USP33: variants seen among roughly 807,000 people sequenced by gnomAD.
The protein encoded by USP33 is ubiquitin specific peptidase 33.
In USP33, 46 loss-of-function variants were observed where a neutral mutation model predicts 124.2. The ratio of observed to expected loss-of-function variants is 0.37; its 90% CI spans 0.29 to 0.47. The LOEUF (loss-of-function observed/expected upper bound fraction) is 0.47. USP33 is among the 20% of genes least tolerant of loss of function. The pLI is 0.99. For synonymous variants in USP33, 350 were observed against 352.3 expected, an observed-to-expected ratio of 0.99 and a Z score of 0.07; for missense variants, 851 against 1,070.6, an observed-to-expected ratio of 0.79 and a Z score of 2.86.
chr1:77,715,023 T>C, intron 18 of USP33: 1 of 364,996 alleles, frequency 2.7e-6, no homozygotes, highest in Non-Finnish European at 4.8e-6. Flanking sequence ...ATTCAAATGT[T>C]TGTTAATAAG....
In USP33 at chr1:77,742,116, TA is replaced by T. The variant is rs201603240; in HGVS notation, c.-51-369del. ...CAACTGTGAAGCACTTTTATCCTTT[TA>T]AAAAAAAAATTAATCCTTAGGCTGG... On this transcript the variant is annotated intron_variant, in intron 1 of 23. Coordinates refer to ENST00000370794, the MANE Select transcript of USP33 (RefSeq NM_201624.3). Among the ~76,000 whole-genome samples the T allele has an allele frequency of 6.0e-3, 896 of 148,474 alleles. 16 individuals are homozygous for T. The highest frequency in any genetic ancestry group is 0.029 in the East Asian group (149 of 5,090).
chr1:77,756,133 G>T (rs1425574007), intron 1 of USP33, among the ~76,000 whole-genome samples: 1 of 151,916 alleles, frequency 6.6e-6, no homozygotes, highest in Admixed American at 6.6e-5. Context: ...TTTGAAATGG[G>T]AGGCTCTCTA....
chr1:77,752,888 G>A (rs1680465384), intron 1 of USP33, among the ~76,000 whole-genome samples: 1 of 151,936 alleles, frequency 6.6e-6, no homozygotes, highest in Non-Finnish European at 1.5e-5. Context: ...TACCAGCCTA[G>A]CCAACATGGT....
chr1:77,742,384 G>C (rs1428609643), intron 1 of USP33, among the ~76,000 whole-genome samples: 1 of 152,186 alleles, frequency 6.6e-6, no homozygotes, highest in East Asian at 1.9e-4. Flanking sequence ...ATCCACAAGA[G>C]ACAGACAGAC....
rs1006806581 is a variant in USP33 at position 77,721,321 on chromosome 1, C to T, written c.1658-116G>A. 2.3e-5 allele frequency: 26 copies of T among 1,130,188 alleles called. No homozygotes were observed. In the Middle Eastern group the frequency reaches 1.0e-3, roughly 44 times the overall value. 70.0% of individuals were successfully genotyped at this position (1,130,188 alleles called of 1,614,324 possible). The stretch of plus-strand genomic sequence containing the variant: ...CCTCCCAGCACAGAAAAACAAGGTT[C>T]CATTTTTTTAATCTATGCTCATGAA... On this transcript the variant is annotated intron_variant, in intron 14 of 23. Coordinates refer to ENST00000370794, the MANE Select transcript of USP33 (RefSeq NM_201624.3).
intron 19 of USP33, 189 bp from the exon 20 acceptor site, chr1:77,713,470 AAAT>A: frequency 4.0e-6 from 2 of 501,880 alleles, no homozygotes; most frequent in Non-Finnish European, 6.7e-6. Flanking sequence ...AGCAGCCTCA[AAAT>A]TCCTGGGCTC....
At chr1:77,725,217 T>C (rs1677026083) in intron 11 of USP33, among the ~76,000 whole-genome samples, 1 of 152,200 alleles carries the variant, frequency 6.6e-6, no homozygotes, top group Admixed American at 6.5e-5. Flanking sequence ...ATTTCATTTA[T>C]ATGACATTCT....
At chr1:77,707,757 AT>A (rs1318749638) in intron 21 of USP33, among the ~76,000 whole-genome samples, 5 of 152,196 alleles carry the variant, frequency 3.3e-5, no homozygotes, top group Non-Finnish European at 7.3e-5. Flanking sequence ...ATGGGTAGTG[AT>A]TAGCTATAGA....
intron 21 of USP33, among the ~76,000 whole-genome samples, chr1:77,709,930 T>A (rs1176091174): frequency 6.6e-6 from 1 of 151,504 alleles, no homozygotes; most frequent in Non-Finnish European, 1.5e-5. Flanking sequence ...TTTACTCAGC[T>A]ATTATCATGA....
chr1:77,742,938 A>G (rs1679297236), intron 1 of USP33, among the ~76,000 whole-genome samples: 1 of 150,456 alleles, frequency 6.6e-6, no homozygotes, highest in South Asian at 2.1e-4. Flanking sequence ...TTATTTATTT[A>G]TTTATTTATT....
At chr1:77,701,023 A>T (rs995084746) in intron 22 of USP33, among the ~76,000 whole-genome samples, 1 of 152,168 alleles carries the variant, frequency 6.6e-6, no homozygotes, top group Admixed American at 6.5e-5. Flanking sequence ...TTATTTTCAT[A>T]TTATTAAATA....
chr1:77,752,851 G>C (rs1261268639), intron 1 of USP33, among the ~76,000 whole-genome samples: 2 of 152,162 alleles, frequency 1.3e-5, no homozygotes, highest in Admixed American at 1.3e-4. Flanking sequence ...GCCGAGGCCG[G>C]TGGATCACCT....
In USP33 at chr1:77,697,489, GA is replaced by G; in HGVS notation, c.2579-16del. 1 of 1,586,240 alleles carries G rather than the reference GA, an allele frequency of 6.3e-7. No individual in the cohort carries two copies. The highest frequency in any genetic ancestry group is 8.5e-7 in the Non-Finnish European group (1 of 1,171,038). On this transcript the variant is annotated splice_polypyrimidine_tract_variant and intron_variant, in intron 23 of 23. Coordinates refer to ENST00000370794, the MANE Select transcript of USP33 (RefSeq NM_201624.3). ...AGAATCTGCTCCTTAAAATTACGTA[GA>G]AGAAATAATGTTTACAAACCTATAT... is the stretch of plus-strand genomic sequence containing the variant.
chr1:77,755,885 A>AT (rs1680758358), intron 1 of USP33, among the ~76,000 whole-genome samples: 1 of 152,172 alleles, frequency 6.6e-6, no homozygotes, highest in South Asian at 2.1e-4. Flanking sequence ...TGGGCCAGAC[A>AT]TTATAAGTTT....
chr1:77,743,424 C>T (rs373618080), intron 1 of USP33, among the ~76,000 whole-genome samples: 14 of 152,148 alleles, frequency 9.2e-5, no homozygotes, highest in African/African-American at 2.4e-4. Flanking sequence ...TTCACTATTA[C>T]GCTGCAACAC....
intron 7 of USP33, among the ~76,000 whole-genome samples, chr1:77,733,213 G>A (rs957983395): frequency 1.1e-4 from 16 of 152,230 alleles, no homozygotes; most frequent in Non-Finnish European, 2.1e-4. Context: ...AGGCAACAAG[G>A]TGAAACCCCA....
At chr1:77,707,617 A>G (rs530250572) in intron 21 of USP33, among the ~76,000 whole-genome samples, 1 of 152,304 alleles carries the variant, frequency 6.6e-6, no homozygotes, top group South Asian at 2.1e-4. Context: ...CCATACTCAG[A>G]GAGAGAAATT....
Position 77,699,516 on chromosome 1 carries a change from C to CA in USP33, c.2510-1586dup, listed in dbSNP as rs552476221. Among the ~76,000 whole-genome samples, 234 of 151,212 alleles carry CA rather than the reference C, an allele frequency of 1.5e-3. 2 individuals carry two copies. Among genetic ancestry groups the CA allele is most frequent in the African/African-American group, 5.2e-3 (216 of 41,242 alleles). On this transcript the variant is annotated intron_variant, in intron 22 of 23. Coordinates refer to ENST00000370794, the MANE Select transcript of USP33 (RefSeq NM_201624.3). ...TGAGTGACAAAGTGAGCCTCTTTTT[C>CA]AAAAAAAAGAGAGAGTCAAGAAACA...
At chr1:77,752,974 G>C (rs773410381) in intron 1 of USP33, among the ~76,000 whole-genome samples, 1 of 152,128 alleles carries the variant, frequency 6.6e-6, no homozygotes, top group Non-Finnish European at 1.5e-5. Flanking sequence ...AGCTAGCTGG[G>C]AGGCTGAGGC....
Sources: gnomAD v4.1 joint callset for allele counts (sites outside exome capture counted in the v4.1 genomes callset) on GRCh38, gnomAD v4.1.1 for gene constraint, MANE v1.5 for transcripts, NCBI Gene and HGNC (gene_info 2026-07-23, HGNC 2026-07-21) for gene names.